The following APAF1 variants were observed in gnomAD, a reference collection of about 807,000 sequenced individuals.
APAF1 encodes apoptotic protease-activating factor 1.
In APAF1, 91 loss-of-function variants were observed where a neutral mutation model predicts 152.4. The observed-to-expected ratio is 0.60, with a 90% CI of 0.50 to 0.71. The LOEUF (loss-of-function observed/expected upper bound fraction) is 0.71, where lower values mean the gene tolerates loss of function less well. Ranked by LOEUF, APAF1 falls within the 30% of genes least tolerant of loss-of-function variation. The pLI, the probability that APAF1 is intolerant of heterozygous loss-of-function variation, is 0.00. For synonymous variants in APAF1, 484 were observed against 494.1 expected (o/e 0.98, Z 0.27); for missense variants, 1,283 against 1,472.0 (o/e 0.87, Z 2.10).
intron 22 of APAF1, among the ~76,000 whole-genome samples, chr12:98,721,412 C>T (rs1020210267): frequency 1.3e-5 from 2 of 152,188 alleles, no homozygotes; most frequent in Non-Finnish European, 2.9e-5. Flanking sequence ...AGGAGCTGTT[C>T]AGCATAGCCA....
chr12:98,686,614 T>C (rs1273787840), intron 15 of APAF1, 134 bp from the exon 16 acceptor site: 4 of 854,082 alleles, frequency 4.7e-6, no homozygotes, highest in Admixed American at 2.6e-5. Flanking sequence ...TTGATACGTT[T>C]GTGTTACTGT....
chr12:98,698,873 G>A (rs1278693957), intron 16 of APAF1, among the ~76,000 whole-genome samples: 1 of 152,210 alleles, frequency 6.6e-6, no homozygotes, highest in East Asian at 1.9e-4. Flanking sequence ...TCAGGATCCA[G>A]TTAGTTTTGT....
chr12:98,652,649 G>A (rs893138528), intron 4 of APAF1, among the ~76,000 whole-genome samples: 3 of 150,404 alleles, frequency 2.0e-5, no homozygotes, highest in Non-Finnish European at 3.0e-5. Flanking sequence ...TTTTTGAGAC[G>A]GAGTTTCGCT....
chr12:98,664,030 T>G (rs1330145579), intron 7 of APAF1, among the ~76,000 whole-genome samples: 1 of 151,590 alleles, frequency 6.6e-6, no homozygotes, highest in Non-Finnish European at 1.5e-5. Flanking sequence ...TTTATTTTAT[T>G]TATTTTTTGA....
intron 4 of APAF1, among the ~76,000 whole-genome samples, chr12:98,651,043 T>C (rs1427652129): frequency 6.6e-6 from 1 of 152,236 alleles, no homozygotes; most frequent in Non-Finnish European, 1.5e-5. Context: ...AGGAGTCATA[T>C]TGTATAAATT....
chr12:98,725,369 T>C, intron 24 of APAF1, 46 bp from the exon 25 acceptor site: 1 of 1,612,768 alleles, frequency 6.2e-7, no homozygotes, highest in Non-Finnish European at 8.5e-7. Context: ...CAGATGCTTA[T>C]TTTGAGTGTT....
rs545187407 is a variant in APAF1 at position 98,735,018 on chromosome 12, C to T, written c.*2452C>T. On this transcript the variant is annotated 3_prime_UTR_variant, in exon 27 of 27. Transcript: ENST00000551964. ...ATCCCAGCTCCTTGGGAGGCTAAGA[C>T]AGGAGGATTCCTTGAGCCCTGGAGT... is the stretch of plus-strand genomic sequence containing the variant. The T allele has an allele frequency of 7.7e-6, 3 of 389,578 alleles. No individual in the cohort carries two copies. Among genetic ancestry groups the T allele is most frequent in the Non-Finnish European group, 1.4e-5 (3 of 221,390 alleles). 24.1% of individuals were successfully genotyped at this position (389,578 alleles called of 1,614,324 possible). A position where few individuals can be genotyped will look rare whatever the true frequency, so the allele number is the denominator to read the frequency against.
chr12:98,709,892 T>C (rs576101911), intron 20 of APAF1, among the ~76,000 whole-genome samples: 1 of 152,364 alleles, frequency 6.6e-6, no homozygotes, highest in East Asian at 1.9e-4. Flanking sequence ...TTTGTTTTTC[T>C]TTTGAGACAG....
chr12:98,715,503 C>T lies in APAF1; in HGVS notation c.3035C>T (p.Thr1012Ile), dbSNP rs1337144915. 4 of 1,613,666 alleles carry T rather than the reference C, an allele frequency of 2.5e-6. No homozygotes were observed. The South Asian group carries it at 3.3e-5, about 13-fold the overall frequency. ...AAAACTGTATGGCACATCCAGTTCACAGCCGATGAGAAGACTCTTATTTCA... is the reference window on the plus strand; with the variant it reads ...AAAACTGTATGGCACATCCAGTTCATAGCCGATGAGAAGACTCTTATTTCA... ...HKKTVWHIQFTADEKTLISSS... is the reference protein window; with the variant it reads ...HKKTVWHIQFIADEKTLISSS... Residue 1012 changes from threonine to isoleucine, a missense_variant, in exon 22 of 27, where the codon ACA becomes ATA. Thr to Ile is a moderately conservative substitution (Grantham distance 89). Coordinates refer to ENST00000551964, the MANE Select transcript of APAF1 (RefSeq NM_181861.2).
rs1482550096 is a variant in APAF1, at chr12:98,666,271, T to G, written c.1276T>G (p.Cys426Gly). 1 of 1,613,836 alleles carries G rather than the reference T, an allele frequency of 6.2e-7. No individual in the cohort carries two copies. The highest frequency in any genetic ancestry group is 1.3e-5 in the African/African-American group (1 of 75,052). The change falls in exon 9 of 27, where the codon TGT becomes GGT. Residue 426 changes from cysteine to glycine, a missense_variant. Transcript: ENST00000551964. ...GTTTGTAAATAAGTCTCTTTTATTC[T>G]GTGATCGGAATGGAAAGTCGTTTCG... ...QEFVNKSLLF[C>G]DRNGKSFRYY... is the part of the protein sequence containing the mutation.
At chr12:98,686,213 A>G (rs986313978) in intron 15 of APAF1, among the ~76,000 whole-genome samples, 4 of 152,180 alleles carry the variant, frequency 2.6e-5, no homozygotes, top group African/African-American at 9.7e-5. Flanking sequence ...TTATTCTATT[A>G]AAGTTCCCTT....
intron 18 of APAF1, among the ~76,000 whole-genome samples, chr12:98,705,521 T>C (rs2097720463): frequency 6.6e-6 from 1 of 152,238 alleles, no homozygotes; most frequent in Non-Finnish European, 1.5e-5. Flanking sequence ...TCACTGGGCC[T>C]ATGATGAGGT....
chr12:98,667,112 A>ATT (rs775551448), intron 9 of APAF1, among the ~76,000 whole-genome samples: 3 of 142,384 alleles, frequency 2.1e-5, no homozygotes, highest in Non-Finnish European at 4.6e-5. Flanking sequence ...ATATATATGT[A>ATT]TTTTTTTTTT....
chr12:98,679,540 C>T (rs184542872), intron 13 of APAF1, among the ~76,000 whole-genome samples: 1 of 152,370 alleles, frequency 6.6e-6, no homozygotes, highest in East Asian at 1.9e-4. Context: ...AGCTGTAACA[C>T]AAACAGGGCT....
intron 19 of APAF1, 120 bp downstream of exon 19, chr12:98,706,730 C>T: frequency 8.8e-7 from 1 of 1,142,814 alleles, no homozygotes; most frequent in Non-Finnish European, 1.3e-6. Flanking sequence ...TACTATATTC[C>T]TATTCACCCT....
chr12:98,668,249 A>T (rs1210302203), intron 10 of APAF1, among the ~76,000 whole-genome samples: 1 of 152,138 alleles, frequency 6.6e-6, no homozygotes, highest in Non-Finnish European at 1.5e-5. Context: ...TTTTACCTGT[A>T]GTGATTAGAA....
intron 1 of APAF1, among the ~76,000 whole-genome samples, chr12:98,646,280 A>G (rs1485349710): frequency 1.3e-5 from 2 of 152,234 alleles, no homozygotes; most frequent in South Asian, 2.1e-4. Context: ...ATTAAGGAAC[A>G]TTTTATGTTT....
At chr12:98,732,374 C>G in intron 26 of APAF1, 46 bp from the exon 27 acceptor site, 1 of 1,559,170 alleles carries the variant, frequency 6.4e-7, no homozygotes, top group Non-Finnish European at 8.8e-7. Context: ...AATTGTCACA[C>G]AGTGTAATTA....
At chr12:98,654,745 T>G (rs1346643799) in intron 4 of APAF1, among the ~76,000 whole-genome samples, 1 of 151,988 alleles carries the variant, frequency 6.6e-6, no homozygotes, top group Non-Finnish European at 1.5e-5. Context: ...TTTAAAAAAA[T>G]GGAAACTTAA....
Sources: allele counts gnomAD v4.1 joint callset (sites outside exome capture counted in the v4.1 genomes callset), GRCh38; gene constraint gnomAD v4.1.1; transcripts MANE v1.5; gene names NCBI Gene and HGNC (gene_info 2026-07-23, HGNC 2026-07-21).